MGAM: variants seen among roughly 807,000 people sequenced by gnomAD.
The protein encoded by MGAM is maltase-glucoamylase, also known as alpha-1,4-glucosidase.
A neutral mutation model predicts 358.8 loss-of-function variants in MGAM; 253 were observed. The observed-to-expected ratio is 0.71, with a 90% confidence interval of 0.64 to 0.78. The LOEUF is 0.78. MGAM is among the 30% of genes least tolerant of loss of function. MGAM has a pLI of 0.00. For synonymous variants in MGAM, 1,105 were observed against 1,227.1 expected (o/e 0.90, Z 2.08); for missense variants, 3,080 against 3,432.6 (o/e 0.90, Z 2.57).
Position 142,025,146 on chromosome 7 carries a change from A to G in MGAM, c.979A>G (p.Met327Val), listed in dbSNP as rs548853167. The G allele has an allele frequency of 1.1e-5, 18 of 1,599,392 alleles. No homozygotes were observed. Among genetic ancestry groups the G allele is most frequent in the Non-Finnish European group, 1.4e-5 (16 of 1,166,752 alleles). Reference sequence around the variant, plus strand: ...GGTGTTTCTGATGAACAGCAATGCCATGGGTAAAGGAATATTCATGGAAAA... The same window carrying G: ...GGTGTTTCTGATGAACAGCAATGCCGTGGGTAAAGGAATATTCATGGAAAA... ...FGVFLMNSNA[M>V]EVVLQPAPAI... Residue 327 changes from methionine (M) to valine (V), a missense_variant, in exon 8 of 71, where the codon ATG (methionine) becomes GTG (valine). Met to Val is a conservative substitution (Grantham distance 21). Transcript: ENST00000475668.
intron 10 of MGAM, among the ~76,000 whole-genome samples, chr7:142,029,522 A>G (rs1807272067): frequency 6.6e-6 from 1 of 152,164 alleles, no homozygotes; most frequent in Admixed American, 6.5e-5. Flanking sequence ...TAAGTGATCC[A>G]GGAAATGAAA....
intron 41 of MGAM, among the ~76,000 whole-genome samples, 171 bp downstream of exon 41, chr7:142,066,892 C>G (rs779474072): frequency 1.4e-5 from 2 of 145,906 alleles, no homozygotes; most frequent in Non-Finnish European, 3.1e-5. Context: ...TTATACATAC[C>G]GTAGGTCATA....
intron 4 of MGAM, 83 bp from the exon 5 acceptor site, chr7:142,020,891 C>T: frequency 1.0e-6 from 1 of 963,150 alleles, no homozygotes; most frequent in East Asian, 2.6e-5. Flanking sequence ...TGCACCCAGC[C>T]CCGTGTATCA....
chr7:142,052,206 A>ATT, intron 24 of MGAM, 88 bp from the exon 25 acceptor site: 14 of 1,042,560 alleles, frequency 1.3e-5, no homozygotes, highest in South Asian at 3.7e-5. Context: ...TCTAATTTCT[A>ATT]TTTTTTTTTT....
At chr7:142,051,513 G>A (rs1223356725) in intron 24 of MGAM, among the ~76,000 whole-genome samples, 2 of 152,104 alleles carry the variant, frequency 1.3e-5, no homozygotes, top group African/African-American at 2.4e-5. Context: ...TTAAAGAAGT[G>A]TCAAGATAAG....
At chr7:142,074,652 A>T (rs4401759) in intron 45 of MGAM, among the ~76,000 whole-genome samples, 2 of 144,964 alleles carry the variant, frequency 1.4e-5, no homozygotes, top group Non-Finnish European at 3.1e-5. Context: ...TAGGAAATAG[A>T]TTCCTTTGAA....
intron 43 of MGAM, among the ~76,000 whole-genome samples, chr7:142,069,365 C>A (rs1031337520): frequency 1.4e-5 from 2 of 145,914 alleles, no homozygotes; most frequent in African/African-American, 2.4e-5. Context: ...TCTTCCCGGG[C>A]AGCTCTGGGG....
At chr7:142,078,223 T>C (rs1480878139) in intron 47 of MGAM, 95 bp from the exon 48 acceptor site, 3 of 1,054,184 alleles carry the variant, frequency 2.8e-6, no homozygotes, top group Admixed American at 6.0e-5. Context: ...TGATGTCTAT[T>C]TGTTTTTCCA....
At position 142,041,949 on chromosome 7, in the gene MGAM, CAT is replaced by C. The variant is rs1294862791; in HGVS notation, c.2498+1111_2498+1112del. On this transcript the variant is annotated intron_variant, in intron 21 of 70. Transcript: ENST00000475668. ...ATATAATATATATATTATATATATACATATATATAATATATATATATTATATA... is the reference window on the plus strand; with the variant it reads ...ATATAATATATATATTATATATATACATATATAATATATATATATTATATA... Among the ~76,000 whole-genome samples, 40 of 11,068 alleles carry C rather than the reference CAT, an allele frequency of 3.6e-3. No homozygotes were observed. In the South Asian group the frequency reaches 0.069, roughly 19 times the overall value. The allele number at this position is 11,068 out of a possible 152,430, so 7.3% of individuals were successfully genotyped here. A position where few individuals can be genotyped will look rare whatever the true frequency, so the allele number is the denominator to read the frequency against.
Position 142,092,056 on chromosome 7 carries a change from G to C in MGAM, c.6945+9G>C. Reference sequence around the variant, plus strand: ...TTGATGGCATGTGGATTGTAAGTGTGTGTGTGTCTCTGTGTACCAGTGACA... The same window carrying C: ...TTGATGGCATGTGGATTGTAAGTGTCTGTGTGTCTCTGTGTACCAGTGACA... On this transcript the variant is annotated intron_variant, in intron 58 of 70. Coordinates refer to ENST00000475668, the MANE Select transcript of MGAM (RefSeq NM_001365693.1). 6.5e-7 allele frequency: 1 copy of C among 1,542,910 alleles called. No homozygotes were observed. The highest frequency in any genetic ancestry group is 8.9e-7 in the Non-Finnish European group (1 of 1,125,662).
In MGAM at chr7:142,022,420, G is replaced by A; in HGVS notation, c.863G>A (p.Arg288Lys). ...TGGAAGACCTGGCCCATATTTAACA[G>A]AGACACAACTCCCAATGGAGTAAGC... ...MNWKTWPIFN[R>K]DTTPNGNGTN... Residue 288 changes from arginine to lysine, a missense_variant, in exon 7 of 71, where the codon AGA (arginine) becomes AAA (lysine). By Grantham distance (26) the Arg-to-Lys change is conservative. This residue lies in a region of MGAM where 1,816 missense variants were observed against 1,840.5 expected (regional missense o/e 0.99). Coordinates refer to ENST00000475668, the MANE Select transcript of MGAM (RefSeq NM_001365693.1). The A allele has an allele frequency of 3.1e-6, 5 of 1,613,382 alleles. No homozygotes were observed. Among genetic ancestry groups the A allele is most frequent in the Non-Finnish European group, 4.2e-6 (5 of 1,179,550 alleles).
At chr7:142,043,726 TATATAATATATACATTATATACACATAC>T (rs1563151715) in intron 21 of MGAM, among the ~76,000 whole-genome samples, 5,245 of 124,746 alleles carry the variant, frequency 0.042, 1,540 homozygotes, top group Non-Finnish European at 0.055. Flanking sequence ...TAATATGTAA[TATATAATATATACATTATATACACATAC>T]GACATATAAT....
rs774496046 is a variant in MGAM at position 142,092,080 on chromosome 7, C to T, written c.6945+33C>T. ...TGTGTGTGTCTCTGTGTACCAGTGA[C>T]ACTTGTCTATCTTTGTGTGCCTACG... On this transcript the variant is annotated intron_variant, in intron 58 of 70. Transcript: ENST00000475668. The T allele has an allele frequency of 1.4e-5, 21 of 1,542,948 alleles. 3 individuals carry two copies. Among genetic ancestry groups the T allele is most frequent in the Non-Finnish European group, 1.9e-5 (21 of 1,125,006 alleles).
At chr7:142,103,472 C>A in intron 70 of MGAM, 33 bp downstream of exon 70, 2 of 1,552,784 alleles carry the variant, frequency 1.3e-6, no homozygotes, top group Admixed American at 2.0e-5. Flanking sequence ...GAATGGTATT[C>A]TCCACCCTTA....
intron 20 of MGAM, 139 bp downstream of exon 20, chr7:142,040,310 C>T (rs1584965088): frequency 5.7e-6 from 4 of 704,854 alleles, no homozygotes; most frequent in Non-Finnish European, 9.7e-6. Flanking sequence ...CATAGCAGAA[C>T]CTGGGTAAAG....
At chr7:142,038,313 A>G (rs1251048030) in intron 18 of MGAM, among the ~76,000 whole-genome samples, 1 of 152,192 alleles carries the variant, frequency 6.6e-6, no homozygotes, top group Non-Finnish European at 1.5e-5. Flanking sequence ...TGGAATAGAA[A>G]CATCTGTTTA....
At chr7:142,100,222 A>AT (rs547266846) in intron 67 of MGAM, among the ~76,000 whole-genome samples, 186 of 152,260 alleles carry the variant, frequency 1.2e-3, no homozygotes, top group Middle Eastern at 3.4e-3. Context: ...GAAATTATCT[A>AT]TTTTTTCTTA....
At chr7:142,046,612 C>A (rs1810441609) in intron 21 of MGAM, among the ~76,000 whole-genome samples, 3 of 151,938 alleles carry the variant, frequency 2.0e-5, no homozygotes, top group Non-Finnish European at 2.9e-5. Flanking sequence ...TTACTAAGCC[C>A]CCTTTTGGTT....
chr7:142,050,919 T>G, intron 24 of MGAM, 55 bp downstream of exon 24: 1 of 1,610,416 alleles, frequency 6.2e-7, no homozygotes, highest in Non-Finnish European at 8.5e-7. Flanking sequence ...AGCATCGTGA[T>G]GTTCCTTCTT....
Sources: allele counts gnomAD v4.1 joint callset (sites outside exome capture counted in the v4.1 genomes callset), GRCh38; gene constraint gnomAD v4.1.1; regional missense constraint gnomAD v4.1.1; transcripts MANE v1.5; gene names NCBI Gene and HGNC (gene_info 2026-07-23, HGNC 2026-07-21).